Variants in FTO observed in about 807,000 individuals in gnomAD.
The protein encoded by FTO is alpha-ketoglutarate-dependent dioxygenase FTO.
In FTO, 47 loss-of-function variants were observed where a neutral mutation model predicts 63.9. The ratio of observed to expected loss-of-function variants is 0.74; its 90% CI spans 0.58 to 0.94. The LOEUF (loss-of-function observed/expected upper bound fraction) is 0.94. Ranked by LOEUF, FTO falls within the 40% of genes least tolerant of loss-of-function variation. The probability of loss-of-function intolerance (pLI) is 0.00; values close to 1 mark genes in which losing one functional copy is unlikely to be tolerated. For synonymous variants in FTO, 207 were observed against 224.4 expected, an observed-to-expected ratio of 0.92 and a Z score of 0.69; for missense variants, 562 against 618.1, an observed-to-expected ratio of 0.91 and a Z score of 0.96.
intron 4 of FTO, among the ~76,000 whole-genome samples, chr16:53,854,019 T>C (rs1303068216): frequency 6.6e-6 from 1 of 152,192 alleles, no homozygotes; most frequent in East Asian, 1.9e-4. Context: ...TCATTCTGGC[T>C]AGGATAAGGT....
intron 1 of FTO, among the ~76,000 whole-genome samples, chr16:53,710,722 A>G (rs1349049153): frequency 6.6e-6 from 1 of 152,226 alleles, no homozygotes; most frequent in Non-Finnish European, 1.5e-5. Context: ...TTAAAAGTTG[A>G]GGGATTTCAC....
chr16:53,986,514 T>C (rs2083671791), intron 8 of FTO, among the ~76,000 whole-genome samples: 1 of 152,220 alleles, frequency 6.6e-6, no homozygotes, highest in Admixed American at 6.5e-5. Flanking sequence ...GAATATGCAA[T>C]TACTGGCATG....
At chr16:53,733,884 A>G (rs62048370) in intron 1 of FTO, among the ~76,000 whole-genome samples, 4,754 of 152,314 alleles carry the variant, frequency 0.031, 119 homozygotes, top group Middle Eastern at 0.085. Context: ...GTTTAAATTA[A>G]TGGAAAACTG....
At chr16:54,053,038 G>A (rs2085348307) in intron 8 of FTO, among the ~76,000 whole-genome samples, 1 of 152,168 alleles carries the variant, frequency 6.6e-6, no homozygotes, top group South Asian at 2.1e-4. Flanking sequence ...TATTTGGAGT[G>A]GGTGGGCTGC....
chr16:53,714,528 A>G (rs921377817), intron 1 of FTO, among the ~76,000 whole-genome samples: 8 of 152,086 alleles, frequency 5.3e-5, no homozygotes. Flanking sequence ...GCACAACAGC[A>G]TTTTTTGGGC....
At chr16:53,903,678 A>G (rs2081461748) in intron 7 of FTO, among the ~76,000 whole-genome samples, 1 of 152,202 alleles carries the variant, frequency 6.6e-6, no homozygotes, top group Non-Finnish European at 1.5e-5. Context: ...TTTTTATTGT[A>G]TGGTTCCATA....
intron 2 of FTO, 40 bp from the exon 3 acceptor site, chr16:53,825,824 C>T: frequency 3.7e-6 from 6 of 1,602,818 alleles, no homozygotes; most frequent in Non-Finnish European, 5.1e-6. Context: ...ACAATTGTAG[C>T]TATATATCAA....
chr16:54,052,178 C>A (rs147266883), intron 8 of FTO, among the ~76,000 whole-genome samples: 1 of 152,138 alleles, frequency 6.6e-6, no homozygotes, highest in African/African-American at 2.4e-5. Flanking sequence ...TTGACAGAGA[C>A]GCCAGTGCAT....
chr16:53,818,944 A>G (rs1256859104), intron 2 of FTO, among the ~76,000 whole-genome samples: 1 of 152,182 alleles, frequency 6.6e-6, no homozygotes, highest in African/African-American at 2.4e-5. Context: ...CAAATTCCTA[A>G]AAGTAGAATA....
chr16:53,727,386 T>G (rs1418874591), intron 1 of FTO, among the ~76,000 whole-genome samples: 4 of 152,228 alleles, frequency 2.6e-5, no homozygotes. Context: ...CGTCTGTGTA[T>G]GTGACTGCGA....
intron 8 of FTO, among the ~76,000 whole-genome samples, chr16:54,006,183 C>G (rs2084199165): frequency 6.6e-6 from 1 of 152,164 alleles, no homozygotes. Context: ...TTCTAGCTTA[C>G]TAAGCCCTAT....
chr16:54,096,491 A>ACCTTGGGAAT (rs1285106597), intron 8 of FTO, among the ~76,000 whole-genome samples: 1 of 152,202 alleles, frequency 6.6e-6, no homozygotes, highest in African/African-American at 2.4e-5. Flanking sequence ...ATTATCTGTA[A>ACCTTGGGAAT]CCTTGGAATG....
At chr16:53,890,591 A>G (rs1173929494) in intron 7 of FTO, among the ~76,000 whole-genome samples, 2 of 152,230 alleles carry the variant, frequency 1.3e-5, no homozygotes, top group Admixed American at 1.3e-4. Flanking sequence ...TTTCATGGAT[A>G]TACGTCTGGG....
chr16:53,873,476 G>T (rs959336199), intron 4 of FTO, among the ~76,000 whole-genome samples: 1 of 148,948 alleles, frequency 6.7e-6, no homozygotes, highest in Non-Finnish European at 1.5e-5. Flanking sequence ...ATATATACTT[G>T]CATATGTATA....
intron 8 of FTO, chr16:53,937,727 A>G (rs1054433783): frequency 6.5e-6 from 1 of 153,176 alleles, no homozygotes; most frequent in African/African-American, 2.4e-5. Flanking sequence ...TTTTAAAATA[A>G]CAGCAGTACA....
At chr16:53,866,345 C>G (rs1315142068) in intron 4 of FTO, among the ~76,000 whole-genome samples, 1 of 152,016 alleles carries the variant, frequency 6.6e-6, no homozygotes, top group African/African-American at 2.4e-5. Flanking sequence ...GAATACTGGT[C>G]TTTAGTTTTC....
At chr16:53,905,737 G>A (rs2081520583) in intron 7 of FTO, among the ~76,000 whole-genome samples, 1 of 152,140 alleles carries the variant, frequency 6.6e-6, no homozygotes, top group South Asian at 2.1e-4. Flanking sequence ...AGCACCTTGA[G>A]AGCAGGGACT....
intron 1 of FTO, among the ~76,000 whole-genome samples, chr16:53,766,265 G>A (rs544010327): frequency 6.6e-6 from 1 of 152,102 alleles, no homozygotes. Flanking sequence ...TCACTCTGTT[G>A]CCCAGGCCGG....
In FTO at chr16:53,826,084, C is replaced by T. The variant is rs762343983; in HGVS notation, c.344C>T (p.Thr115Met). 6.2e-6 allele frequency: 10 copies of T among 1,614,138 alleles called. No individual in the cohort carries two copies. Among genetic ancestry groups the T allele is most frequent in the East Asian group, 2.2e-5 (1 of 44,872 alleles). ...TYKYLNTRLF[T>M]VPWPVKGSNI... ...AAGTACCTGAACACCAGGCTCTTTA[C>T]GGTCCCCTGGCCAGTGAAAGGGTCT... Residue 115 changes from threonine (T) to methionine (M), a missense_variant, in exon 3 of 9, where the codon ACG (threonine) becomes ATG (methionine). Transcript: ENST00000471389.
Sources: gnomAD v4.1 joint callset for allele counts (sites outside exome capture counted in the v4.1 genomes callset) on GRCh38, gnomAD v4.1.1 for gene constraint, MANE v1.5 for transcripts, NCBI Gene and HGNC (gene_info 2026-07-23, HGNC 2026-07-21) for gene names.